Variants in AXL observed in about 807,000 individuals in gnomAD.
The protein encoded by AXL is tyrosine-protein kinase receptor UFO.
A neutral mutation model predicts 104.5 loss-of-function variants in AXL; 52 were observed. The observed-to-expected ratio is 0.50, with a 90% CI of 0.40 to 0.63. The LOEUF is 0.63. Among genes scored for constraint, AXL ranks in the 20% least tolerant of loss-of-function variants. The pLI is 0.00. For missense variants in AXL, 1,024 were observed against 1,188.5 expected, an observed-to-expected ratio of 0.86 and a Z score of 2.04; for synonymous variants, 455 against 473.7, an observed-to-expected ratio of 0.96 and a Z score of 0.51.
chr19:41,253,547 A>G (rs911655294), intron 16 of AXL, 52 bp from the exon 17 acceptor site: 1 of 1,284,542 alleles, frequency 7.8e-7, no homozygotes, highest in Non-Finnish European at 1.1e-6. Flanking sequence ...GGGAGGAGGG[A>G]TCGCATCAAG....
intron 8 of AXL, 117 bp downstream of exon 8, chr19:41,238,726 G>A: frequency 7.3e-7 from 1 of 1,377,076 alleles, no homozygotes; most frequent in Admixed American, 2.8e-5. Flanking sequence ...CTATGCCTAG[G>A]GGGCACATTC....
At chr19:41,222,573 C>A (rs1379250355) in intron 4 of AXL, among the ~76,000 whole-genome samples, 1 of 152,204 alleles carries the variant, frequency 6.6e-6, no homozygotes, top group African/African-American at 2.4e-5. Context: ...CCGGTCCCCA[C>A]TGGGGAGATG....
chr19:41,224,973 C>T (rs2033853302), intron 4 of AXL, among the ~76,000 whole-genome samples: 1 of 152,094 alleles, frequency 6.6e-6, no homozygotes, highest in Non-Finnish European at 1.5e-5. Flanking sequence ...TGCATCAGGC[C>T]TGCGCATCTA....
Position 41,238,627 on chromosome 19 carries a change from G to T in AXL, c.1134+18G>T. The T allele has an allele frequency of 6.3e-7, 1 of 1,597,746 alleles. No individual in the cohort carries two copies. Among genetic ancestry groups the T allele is most frequent in the Non-Finnish European group, 8.6e-7 (1 of 1,168,730 alleles). ...CCCCAGAGGTGGGTGCTGCTGGTGG[G>T]ATTGGAGTGGAGTGGCTTGGGGAGG... On this transcript the variant is annotated intron_variant, in intron 8 of 19. Coordinates refer to ENST00000301178, the MANE Select transcript of AXL (RefSeq NM_021913.5).
intron 4 of AXL, chr19:41,226,910 G>A (rs1034588528): frequency 5.6e-6 from 3 of 539,646 alleles, no homozygotes; most frequent in African/African-American, 2.1e-5. Context: ...CCTGGGCAAC[G>A]TGGTGAGACT....
At chr19:41,239,871 G>T in intron 10 of AXL, 151 bp downstream of exon 10, 1 of 1,177,044 alleles carries the variant, frequency 8.5e-7, no homozygotes, top group Non-Finnish European at 1.3e-6. Context: ...CTTGATGGAG[G>T]TGCCTATAAT....
At chr19:41,247,895 TTTTTATTTTATTTTATTTTA>T (rs145835287) in intron 12 of AXL, among the ~76,000 whole-genome samples, 18 of 145,910 alleles carry the variant, frequency 1.2e-4, no homozygotes, top group East Asian at 4.1e-4. Context: ...AAAAGAAATA[TTTTTATTTTATTTTATTTTA>T]TTTTATTTTA....
intron 19 of AXL, 52 bp downstream of exon 19, chr19:41,257,681 T>A: frequency 1.2e-6 from 2 of 1,609,072 alleles, no homozygotes; most frequent in Non-Finnish European, 8.5e-7. Flanking sequence ...AACCCCTGAC[T>A]ACCCCCAGAT....
Position 41,248,568 on chromosome 19 carries a change from T to C in AXL, c.1592T>C (p.Val531Ala). ...ELKEKLRDVM[V>A]DRHKVALGKT... Reference sequence around the variant, plus strand: ...AAGGAGAAGCTGCGGGATGTGATGGTGGACCGGCACAAGGTGGCCCTGGGG... The same window carrying C: ...AAGGAGAAGCTGCGGGATGTGATGGCGGACCGGCACAAGGTGGCCCTGGGG... Residue 531 changes from valine (V) to alanine (A), a missense_variant, in exon 13 of 20, where the codon GTG (valine) becomes GCG (alanine). Val to Ala is a moderately conservative substitution (Grantham distance 64, BLOSUM62 0). Coordinates refer to ENST00000301178, the MANE Select transcript of AXL (RefSeq NM_021913.5). 1 of 1,614,146 alleles carries C rather than the reference T, an allele frequency of 6.2e-7. No homozygotes were observed. Among genetic ancestry groups the C allele is most frequent in the Non-Finnish European group, 8.5e-7 (1 of 1,180,026 alleles).
intron 11 of AXL, 34 bp downstream of exon 11, chr19:41,243,049 C>G (rs971444070): frequency 1.9e-6 from 3 of 1,613,484 alleles, no homozygotes; most frequent in African/African-American, 2.7e-5. Context: ...GCTGTGTGGC[C>G]TGGGATGGAG....
rs1176524964 is a variant in AXL at position 41,239,713 on chromosome 19, C to A, written c.1305C>A (p.His435Gln). 1 of 1,614,176 alleles carries A rather than the reference C, an allele frequency of 6.2e-7. No individual in the cohort carries two copies. The change falls in exon 10 of 20, where the codon CAC (histidine) becomes CAA (glutamine). Residue 435 changes from histidine to glutamine, a missense_variant. His to Gln is a conservative substitution (Grantham distance 24, BLOSUM62 0). Coordinates refer to ENST00000301178, the MANE Select transcript of AXL (RefSeq NM_021913.5). The part of the protein sequence containing the change: ...AWRPGQAQPV[H>Q]QLVKEPSTPA... ...TCACAGGGCAAGCACAGCCAGTCCA[C>A]CAGCTGGGTAAGGGCTTCCACACCC...
Position 41,238,528 on chromosome 19 carries a change from G to A in AXL, c.1053G>A (p.Val351=), listed in dbSNP as rs1382725939. The A allele has an allele frequency of 1.2e-6, 2 of 1,614,066 alleles. No homozygotes were observed. Among genetic ancestry groups the A allele is most frequent in the Non-Finnish European group, 1.7e-6 (2 of 1,179,964 alleles). The change falls in exon 8 of 20, where the codon GTG becomes GTA. Residue 351 remains valine (V), a synonymous_variant. Transcript: ENST00000301178. ...CGCGGAATGGGAGCCAGGCCTTCGT[G>A]CATTGGCAAGAGCCCCGGGCGCCCC... ...SATRNGSQAF[V]HWQEPRAPLQ...
At chr19:41,236,041 A>T (rs1308339915) in intron 6 of AXL, among the ~76,000 whole-genome samples, 3 of 149,208 alleles carry the variant, frequency 2.0e-5, no homozygotes, top group Non-Finnish European at 3.0e-5. Flanking sequence ...TACACAGAAT[A>T]AAAAAAAAGC....
Position 41,253,693 on chromosome 19 carries a change from C to T in AXL, c.2021C>T (p.Ala674Val), listed in dbSNP as rs984694773. The change falls in exon 17 of 20, where the codon GCG (alanine) becomes GTG (valine). Residue 674 changes from alanine to valine, a missense_variant. Around this residue, in one of 5 missense-constraint regions of AXL, gnomAD observed 523 missense variants for 636.0 expected, o/e 0.82. Coordinates refer to ENST00000301178, the MANE Select transcript of AXL (RefSeq NM_021913.5). ...STKRFIHRDL[A>V]ARNCMLNENM... is the part of the protein sequence containing the mutation. The stretch of plus-strand genomic sequence containing the variant: ...AAGAGATTCATACACCGGGACCTGG[C>T]GGCCAGGAACTGCATGTGAGTGCCT... 6.2e-7 allele frequency: 1 copy of T among 1,609,840 alleles called. No homozygotes were observed. Among genetic ancestry groups the T allele is most frequent in the Non-Finnish European group, 8.5e-7 (1 of 1,177,818 alleles).
chr19:41,253,322 A>G lies in AXL; in HGVS notation c.1927-277A>G, dbSNP rs977821011. 6.2e-4 allele frequency among the ~76,000 whole-genome samples: 94 copies of G among 152,190 alleles called. 1 individual carries two copies. Among genetic ancestry groups the G allele is most frequent in the African/African-American group, 2.2e-3 (91 of 41,542 alleles). Reference sequence around the variant, plus strand: ...CCCAACAGAGCGCACAGCATAGGCAAAGGCTCGGAGGTGGGAATGATCATC... The same window carrying G: ...CCCAACAGAGCGCACAGCATAGGCAGAGGCTCGGAGGTGGGAATGATCATC... On this transcript the variant is annotated intron_variant, in intron 16 of 19. Coordinates refer to ENST00000301178, the MANE Select transcript of AXL (RefSeq NM_021913.5).
chr19:41,225,026 C>G (rs1030388788), intron 4 of AXL, among the ~76,000 whole-genome samples: 1 of 152,112 alleles, frequency 6.6e-6, no homozygotes, highest in Admixed American at 6.6e-5. Context: ...TGTTTTGAGA[C>G]GGAGTCTCAC....
At chr19:41,231,753 C>T (rs1248237418) in intron 6 of AXL, among the ~76,000 whole-genome samples, 2 of 151,874 alleles carry the variant, frequency 1.3e-5, no homozygotes, top group Non-Finnish European at 2.9e-5. Context: ...ATAGTGAAAC[C>T]ACATTTCTAC....
intron 10 of AXL, among the ~76,000 whole-genome samples, chr19:41,240,366 G>A (rs991524262): frequency 7.0e-6 from 1 of 142,732 alleles, no homozygotes; most frequent in South Asian, 2.3e-4. Context: ...ATATATGGAT[G>A]GGTAGATGGG....
At position 41,239,302 on chromosome 19, in the gene AXL, G is replaced by T. The variant is rs1258438798; in HGVS notation, c.1273G>T (p.Ala425Ser). The T allele has an allele frequency of 1.6e-5, 25 of 1,580,464 alleles. No individual in the cohort carries two copies. Among genetic ancestry groups the T allele is most frequent in the Non-Finnish European group, 2.1e-5 (24 of 1,165,372 alleles). The change falls in exon 9 of 20, where the codon GCC becomes TCC. Residue 425 changes from alanine to serine, a missense_variant. Around this residue, in one of 5 missense-constraint regions of AXL, gnomAD observed 523 missense variants for 636.0 expected, o/e 0.82. Transcript: ENST00000301178. ...CTGGAGCCTCCCAGTACCCCTGGAG[G>T]CCTGGCGCCCAGGTAAGTCCAAAGC... ...GPWSLPVPLE[A>S]WRPGQAQPVH...
Sources: allele counts gnomAD v4.1 joint callset (sites outside exome capture counted in the v4.1 genomes callset), GRCh38; gene constraint gnomAD v4.1.1; regional missense constraint gnomAD v4.1.1; transcripts MANE v1.5; gene names NCBI Gene and HGNC (gene_info 2026-07-23, HGNC 2026-07-21).